The following PDLIM1 variants were observed in gnomAD, a reference collection of about 807,000 sequenced individuals.
PDLIM1 encodes the protein PDZ and LIM domain protein 1.
In PDLIM1, 25 loss-of-function variants were observed where a neutral mutation model predicts 35.2. That is an observed-to-expected ratio of 0.71 (90% CI 0.52 to 0.99). PDLIM1 has a LOEUF of 0.99. Ranked by LOEUF, PDLIM1 falls within the 50% of genes least tolerant of loss-of-function variation. PDLIM1 has a pLI of 0.00. For missense variants in PDLIM1, 363 were observed against 415.3 expected, an observed-to-expected ratio of 0.87 and a Z score of 1.09; for synonymous variants, 152 against 154.0, an observed-to-expected ratio of 0.99 and a Z score of 0.10.
chr10:95,254,906 C>G (rs2035297126), intron 4 of PDLIM1, among the ~76,000 whole-genome samples: 1 of 151,606 alleles, frequency 6.6e-6, no homozygotes, highest in African/African-American at 2.4e-5. Flanking sequence ...GAGACTGCCT[C>G]TAAGTAAGTA....
At chr10:95,270,555 A>G (rs1207635509) in intron 2 of PDLIM1, among the ~76,000 whole-genome samples, 2 of 152,170 alleles carry the variant, frequency 1.3e-5, no homozygotes, top group African/African-American at 4.8e-5. Context: ...ATGAAAGAAG[A>G]ATGGAAATTC....
intron 5 of PDLIM1, among the ~76,000 whole-genome samples, chr10:95,246,325 C>T (rs1172634976): frequency 6.6e-6 from 1 of 152,224 alleles, no homozygotes; most frequent in Non-Finnish European, 1.5e-5. Flanking sequence ...GTCACAATTT[C>T]TCGACGTATA....
At chr10:95,259,698 G>A (rs1256390953) in intron 4 of PDLIM1, among the ~76,000 whole-genome samples, 3 of 152,210 alleles carry the variant, frequency 2.0e-5, no homozygotes, top group Non-Finnish European at 2.9e-5. Flanking sequence ...TTCTGATTCA[G>A]CTCTGAAGAA....
rs2035641342 is a variant in PDLIM1 at position 95,290,290 on chromosome 10, G to C, written c.96+530C>G. 6.6e-6 allele frequency among the ~76,000 whole-genome samples: 1 copy of C among 152,152 alleles called. No homozygotes were observed. Among genetic ancestry groups the C allele is most frequent in the Non-Finnish European group, 1.5e-5 (1 of 68,032 alleles). On this transcript the variant is annotated intron_variant, in intron 1 of 6. Coordinates refer to ENST00000329399, the MANE Select transcript of PDLIM1 (RefSeq NM_020992.4). This position sits in a 1 kb window ranked among gnomAD's most constrained non-coding sequence, Gnocchi z 4.7. ...CCCGAATCCAGCACATTCTCCAAAA[G>C]CCATTCGAGGGGCGAGCCTCGGCCG... is the stretch of plus-strand genomic sequence containing the variant.
chr10:95,271,364 G>T (rs1186318881), intron 2 of PDLIM1, among the ~76,000 whole-genome samples: 1 of 151,122 alleles, frequency 6.6e-6, no homozygotes, highest in East Asian at 2.0e-4. Context: ...TTGAACCCGG[G>T]AGGCAGAGGT....
intron 5 of PDLIM1, 28 bp downstream of exon 5, chr10:95,247,187 G>C (rs757287877): frequency 1.4e-5 from 23 of 1,597,104 alleles, no homozygotes; most frequent in Non-Finnish European, 1.8e-5. Flanking sequence ...TTGAACAAGA[G>C]CCTCTGACTG....
At chr10:95,269,514 G>A (rs1188553997) in intron 2 of PDLIM1, among the ~76,000 whole-genome samples, 2 of 149,820 alleles carry the variant, frequency 1.3e-5, no homozygotes, top group Admixed American at 6.7e-5. Context: ...AGAGGTTGCA[G>A]TGAGCTGAGA....
chr10:95,275,957 G>A (rs2035508285), intron 1 of PDLIM1, among the ~76,000 whole-genome samples: 1 of 152,048 alleles, frequency 6.6e-6, no homozygotes, highest in Non-Finnish European at 1.5e-5. Context: ...AGCAACATCA[G>A]ATAGGACTTG....
At chr10:95,263,775 T>C (rs2035386307) in intron 4 of PDLIM1, 89 bp downstream of exon 4, 2 of 901,480 alleles carry the variant, frequency 2.2e-6, no homozygotes, top group East Asian at 2.4e-5. Context: ...CCTGGAGTAG[T>C]GGCTCTTGCA....
rs1430334300 is a variant in PDLIM1 at position 95,256,982 on chromosome 10, A to AGAAAGAAAGAAAG, written c.533+6881_533+6882insCTTTCTTTCTTTC. Among the ~76,000 whole-genome samples, 7 of 31,036 alleles carry AGAAAGAAAGAAAG rather than the reference A, an allele frequency of 2.3e-4. No individual in the cohort carries two copies. In the East Asian group the frequency reaches 5.5e-3, roughly 24 times the overall value. 20.4% of individuals were successfully genotyped at this position (31,036 alleles called of 152,430 possible). ...AGAATGAGACTTCATCTTAAAAAAA[A>AGAAAGAAAGAAAG]AAAAAAAGAAAGAAAGAAAGAAAGA... On this transcript the variant is annotated intron_variant, in intron 4 of 6. Coordinates refer to ENST00000329399, the MANE Select transcript of PDLIM1 (RefSeq NM_020992.4).
intron 1 of PDLIM1, among the ~76,000 whole-genome samples, chr10:95,276,825 T>G (rs1418287405): frequency 3.5e-5 from 5 of 144,506 alleles, no homozygotes; most frequent in African/African-American, 1.3e-4. Context: ...GGCCACACTA[T>G]CTGCTCTAAT....
chr10:95,242,913 C>A (rs867463464), intron 5 of PDLIM1, among the ~76,000 whole-genome samples: 1 of 151,990 alleles, frequency 6.6e-6, no homozygotes, highest in Non-Finnish European at 1.5e-5. Context: ...TGCAAAGGCA[C>A]TGATTGGGCT....
chr10:95,276,671 G>A (rs1463096497), intron 1 of PDLIM1, among the ~76,000 whole-genome samples: 6 of 152,088 alleles, frequency 3.9e-5, no homozygotes, highest in East Asian at 3.9e-4. Context: ...CAATATTCAC[G>A]TGATGCTACC....
intron 4 of PDLIM1, among the ~76,000 whole-genome samples, chr10:95,249,771 T>G (rs1482514615): frequency 2.0e-5 from 3 of 152,258 alleles, no homozygotes; most frequent in Non-Finnish European, 4.4e-5. Context: ...AAGGTCCAGG[T>G]GTTTCCCTTC....
At chr10:95,281,773 T>C (rs547198293) in intron 1 of PDLIM1, among the ~76,000 whole-genome samples, 1 of 152,334 alleles carries the variant, frequency 6.6e-6, no homozygotes, top group South Asian at 2.1e-4. Flanking sequence ...TTCACAGGCA[T>C]GAGCCACTGC....
At chr10:95,283,430 T>C (rs1455684689) in intron 1 of PDLIM1, among the ~76,000 whole-genome samples, 2 of 152,230 alleles carry the variant, frequency 1.3e-5, no homozygotes, top group Non-Finnish European at 2.9e-5. Context: ...ATATCAAAAA[T>C]GTATTTTTCC....
chr10:95,264,692 C>A (rs370040922), intron 3 of PDLIM1, among the ~76,000 whole-genome samples: 1 of 152,294 alleles, frequency 6.6e-6, no homozygotes, highest in East Asian at 1.9e-4. Flanking sequence ...ATACCTGTTA[C>A]AGGGGCGGTA....
rs963131224 is a variant in PDLIM1, at chr10:95,290,044, C to T, written c.96+776G>A. ...GGTGGCCCCTGATTCAACGTGAGTC[C>T]TTCTAAAGATCCGAAGCCCCTCTTA... On this transcript the variant is annotated intron_variant, in intron 1 of 6. Coordinates refer to ENST00000329399, the MANE Select transcript of PDLIM1 (RefSeq NM_020992.4). The surrounding 1 kb of genome is among the most constrained non-coding windows in gnomAD (Gnocchi z 4.7). Among the ~76,000 whole-genome samples, 12 of 152,184 alleles carry T rather than the reference C, an allele frequency of 7.9e-5. No individual in the cohort carries two copies. Among genetic ancestry groups the T allele is most frequent in the African/African-American group, 2.9e-4 (12 of 41,442 alleles).
rs2035232211 is a variant in PDLIM1 at position 95,247,513 on chromosome 10, T to G, written c.534-147A>C. On this transcript the variant is annotated intron_variant, in intron 4 of 6. Coordinates refer to ENST00000329399, the MANE Select transcript of PDLIM1 (RefSeq NM_020992.4). Reference sequence around the variant, plus strand: ...TCTCCTAAATCAGCCACAGACCTGCTGCCAGCACAGTGAAACTGAGATGTC... The same window carrying G: ...TCTCCTAAATCAGCCACAGACCTGCGGCCAGCACAGTGAAACTGAGATGTC... 3 of 616,518 alleles carry G rather than the reference T, an allele frequency of 4.9e-6. No individual in the cohort carries two copies. In the South Asian group the frequency reaches 7.0e-5, roughly 14 times the overall value. 38.2% of individuals were successfully genotyped at this position (616,518 alleles called of 1,614,324 possible). A position where few individuals can be genotyped will look rare whatever the true frequency, so the allele number is the denominator to read the frequency against.
Sources: allele counts gnomAD v4.1 joint callset (sites outside exome capture counted in the v4.1 genomes callset), GRCh38; gene constraint gnomAD v4.1.1; non-coding constraint Gnocchi (gnomAD v3.1); transcripts MANE v1.5; gene names NCBI Gene and HGNC (gene_info 2026-07-23, HGNC 2026-07-21).